Variants in NDUFAF6 observed in about 807,000 individuals in gnomAD.
NDUFAF6 encodes NADH:ubiquinone oxidoreductase complex assembly factor 6.
NDUFAF6 carries 45 observed loss-of-function variants against 40.8 expected under a neutral mutation model. The ratio of observed to expected loss-of-function variants is 1.10; its 90% CI spans 0.87 to 1.42. The LOEUF is 1.42. NDUFAF6 is among the 40% of genes most tolerant of loss of function. The probability of loss-of-function intolerance (pLI) is 0.00; values close to 1 mark genes in which losing one functional copy is unlikely to be tolerated. For synonymous variants in NDUFAF6, 185 were observed against 155.9 expected (o/e 1.19, Z -1.39); for missense variants, 435 against 418.5 (o/e 1.04, Z -0.34).
rs945545674 is a variant in NDUFAF6 at position 94,909,842 on chromosome 8, A to ATC, written c.-936+13915_-936+13916insTC. On this transcript the variant is annotated intron_variant, in intron 1 of 14. Transcript: ENST00000396113. ...CACACACACACACATATATATATAT[A>ATC]AAAGAATTACAAAAAGCTGGCTTCT... Among the ~76,000 whole-genome samples, 17 of 151,616 alleles carry ATC rather than the reference A, an allele frequency of 1.1e-4. No individual in the cohort carries two copies. In the Middle Eastern group the frequency reaches 0.01, roughly 92 times the overall value.
chr8:95,117,131 C>G (rs1037921769), downstream of NDUFAF6, among the ~76,000 whole-genome samples: 6 of 152,236 alleles, frequency 3.9e-5, no homozygotes, highest in African/African-American at 1.4e-4. Flanking sequence ...CAGCTCATCA[C>G]TGGAGTTGCG....
intron 4 of NDUFAF6, among the ~76,000 whole-genome samples, chr8:95,111,686 T>C (rs1810003093): frequency 6.6e-6 from 1 of 152,108 alleles, no homozygotes; most frequent in Non-Finnish European, 1.5e-5. Context: ...ACCAAAATAG[T>C]CATCTGGGAT....
At chr8:95,033,998 A>G (rs777915183) in intron 2 of NDUFAF6, 20 of 457,648 alleles carry the variant, frequency 4.4e-5, no homozygotes, top group South Asian at 3.1e-4. Flanking sequence ...TCTTGGTTAT[A>G]TTTTGAAAGG....
At chr8:95,096,932 A>G (rs965385784), upstream of NDUFAF6, among the ~76,000 whole-genome samples, 4 of 152,162 alleles carry the variant, frequency 2.6e-5, no homozygotes, top group Non-Finnish European at 4.4e-5. Context: ...GGAGGCAGAG[A>G]TGTTGTGCAA....
chr8:95,116,938 A>C (rs1810147900), downstream of NDUFAF6, among the ~76,000 whole-genome samples: 1 of 152,196 alleles, frequency 6.6e-6, no homozygotes, highest in South Asian at 2.1e-4. Context: ...ACTGCATCCT[A>C]GGGCAGTCTT....
At chr8:95,097,686 T>C (rs73262476), upstream of NDUFAF6, among the ~76,000 whole-genome samples, 34,398 of 152,080 alleles carry the variant, frequency 0.23, 4,872 homozygotes, top group African/African-American at 0.4. Context: ...GCAACAAGAG[T>C]GAAACTCCAT....
chr8:95,067,577 C>G (rs964871482), intron 9 of NDUFAF6: 1 of 152,122 alleles, frequency 6.6e-6, no homozygotes, highest in Non-Finnish European at 1.5e-5. Flanking sequence ...AGCACTTGGC[C>G]TCTGTCCACA....
chr8:95,110,398 G>A (rs1445807783), intron 4 of NDUFAF6, among the ~76,000 whole-genome samples: 3 of 152,194 alleles, frequency 2.0e-5, no homozygotes, highest in African/African-American at 7.2e-5. Flanking sequence ...AGATGGGCTA[G>A]CAAAGCCATT....
intron 2 of NDUFAF6, among the ~76,000 whole-genome samples, chr8:95,014,360 A>G (rs576399382): frequency 6.6e-6 from 1 of 152,334 alleles, no homozygotes; most frequent in East Asian, 1.9e-4. Flanking sequence ...CTCTGGTGGG[A>G]GAATGCTTGG....
intron 1 of NDUFAF6, among the ~76,000 whole-genome samples, chr8:94,962,133 G>A (rs960945569): frequency 6.6e-6 from 1 of 152,194 alleles, no homozygotes; most frequent in African/African-American, 2.4e-5. Flanking sequence ...GATGAAAAGG[G>A]ACAGAGTTGG....
At chr8:95,031,923 A>G in intron 1 of NDUFAF6, 72 bp from the exon 2 acceptor site, 2 of 1,438,588 alleles carry the variant, frequency 1.4e-6, no homozygotes, top group African/African-American at 1.4e-5. Flanking sequence ...GTTTTCAGTT[A>G]ATTTTAGTCA....
At position 95,025,042 on chromosome 8, in the gene NDUFAF6, C is replaced by G. The variant is rs960009462; in HGVS notation, c.34C>G (p.Pro12Ala). Residue 12 changes from proline (P) to alanine (A), a missense_variant, in exon 1 of 9, where the codon CCG becomes GCG. Transcript: ENST00000396124. ...AASAHGSVWGPLRLGIPGLCC... is the reference protein window; with the variant it reads ...AASAHGSVWGALRLGIPGLCC... The stretch of plus-strand genomic sequence containing the variant: ...CTCCGCGCACGGCTCTGTCTGGGGG[C>G]CGTTGCGGCTTGGCATCCCCGGCCT... The G allele has an allele frequency of 7.1e-6, 10 of 1,417,020 alleles. No homozygotes were observed. The Admixed American group carries it at 1.3e-4, about 18-fold the overall frequency. The allele number at this position is 1,417,020 out of a possible 1,614,324, so 87.8% of individuals were successfully genotyped here.
intron 1 of NDUFAF6, among the ~76,000 whole-genome samples, chr8:94,977,522 T>TAA (rs748596014): frequency 1.8e-4 from 19 of 104,794 alleles, no homozygotes; most frequent in Admixed American, 3.1e-4. Context: ...ACCCTGTCTC[T>TAA]AAAAAAAAAA....
At chr8:94,961,881 A>G (rs1823605984) in intron 1 of NDUFAF6, among the ~76,000 whole-genome samples, 1 of 152,192 alleles carries the variant, frequency 6.6e-6, no homozygotes, top group Non-Finnish European at 1.5e-5. Context: ...CTCCAGTGTC[A>G]GCTGCATCAA....
intron 1 of NDUFAF6, among the ~76,000 whole-genome samples, chr8:95,029,333 G>A (rs1480499175): frequency 6.6e-6 from 1 of 150,628 alleles, no homozygotes; most frequent in Non-Finnish European, 1.5e-5. Context: ...TACAGAAATA[G>A]TACACAGAGA....
chr8:95,048,642 C>A, intron 7 of NDUFAF6, 84 bp downstream of exon 7: 1 of 953,638 alleles, frequency 1.0e-6, no homozygotes, highest in East Asian at 2.5e-5. Context: ...TATGATATTC[C>A]CAACTTGGCA....
At chr8:95,102,947 CA>C (rs1809699380) in intron 2 of NDUFAF6, 1 of 152,174 alleles carries the variant, frequency 6.6e-6, no homozygotes, top group African/African-American at 2.4e-5. Flanking sequence ...AGCCGCACAC[CA>C]ACTTTGCTTT....
intron 1 of NDUFAF6, among the ~76,000 whole-genome samples, chr8:94,943,478 C>A (rs756602301): frequency 6.6e-5 from 10 of 152,076 alleles, no homozygotes; most frequent in Non-Finnish European, 1.2e-4. Context: ...CACAGCGAGA[C>A]CTTGTCTCAA....
intron 2 of NDUFAF6, among the ~76,000 whole-genome samples, chr8:95,092,827 GC>G (rs1809307160): frequency 1.3e-5 from 2 of 152,134 alleles, no homozygotes; most frequent in Admixed American, 1.3e-4. Context: ...CTCATGATCG[GC>G]CTGCTTTGGC....
Sources: allele counts gnomAD v4.1 joint callset (sites outside exome capture counted in the v4.1 genomes callset), GRCh38; gene constraint gnomAD v4.1.1; transcripts MANE v1.5; gene names NCBI Gene and HGNC (gene_info 2026-07-23, HGNC 2026-07-21).